Variants in TAFA1 observed in about 807,000 individuals in gnomAD.
TAFA1 encodes the protein TAFA chemokine like family member 1, also known as chemokine-like protein TAFA-1.
A neutral mutation model predicts 18.5 loss-of-function variants in TAFA1; 4 were observed. That is an observed-to-expected ratio of 0.22 (90% CI 0.11 to 0.49). TAFA1 has a LOEUF of 0.49. TAFA1 is among the 20% of genes least tolerant of loss of function. The pLI is 0.98. For missense variants in TAFA1, 147 were observed against 169.0 expected (o/e 0.87, Z 0.72); for synonymous variants, 56 against 55.2 (o/e 1.01, Z -0.06).
At chr3:68,474,360 G>C (rs1036748651) in intron 3 of TAFA1, among the ~76,000 whole-genome samples, 1 of 152,144 alleles carries the variant, frequency 6.6e-6, no homozygotes, top group African/African-American at 2.4e-5. Flanking sequence ...TCATCCATTC[G>C]AGAATCTGAA....
At chr3:68,532,428 T>C (rs2073202086) in intron 3 of TAFA1, among the ~76,000 whole-genome samples, 1 of 152,172 alleles carries the variant, frequency 6.6e-6, no homozygotes. Flanking sequence ...GAGTCTTTTT[T>C]TCGGAGGGGG....
At chr3:68,303,374 G>A (rs1366812167) in intron 2 of TAFA1, among the ~76,000 whole-genome samples, 1 of 152,120 alleles carries the variant, frequency 6.6e-6, no homozygotes, top group African/African-American at 2.4e-5. Flanking sequence ...TCAAAAATTA[G>A]CCATTTACTC....
chr3:68,317,231 T>C (rs956268262), intron 2 of TAFA1, among the ~76,000 whole-genome samples: 5 of 152,184 alleles, frequency 3.3e-5, no homozygotes, highest in African/African-American at 1.2e-4. Context: ...TTTCCGAAGA[T>C]TTTACAGAGA....
intron 2 of TAFA1, among the ~76,000 whole-genome samples, chr3:68,245,300 G>A (rs1270793416): frequency 6.6e-6 from 1 of 152,188 alleles, no homozygotes; most frequent in Non-Finnish European, 1.5e-5. Context: ...GTATTTAACA[G>A]AACTTCTTCC....
intron 2 of TAFA1, among the ~76,000 whole-genome samples, chr3:68,150,737 C>T (rs2065797324): frequency 6.6e-6 from 1 of 152,030 alleles, no homozygotes; most frequent in African/African-American, 2.4e-5. Context: ...TTGATTGCTT[C>T]CTCTCCTCAC....
At chr3:68,221,720 TC>T (rs771496557) in intron 2 of TAFA1, among the ~76,000 whole-genome samples, 8 of 152,188 alleles carry the variant, frequency 5.3e-5, no homozygotes, top group Non-Finnish European at 1.0e-4. Context: ...TAGCAGGGTA[TC>T]TAGGTACAGA....
At chr3:68,177,543 A>G (rs1230381511) in intron 2 of TAFA1, among the ~76,000 whole-genome samples, 1 of 152,110 alleles carries the variant, frequency 6.6e-6, no homozygotes, top group Non-Finnish European at 1.5e-5. Context: ...TCAATTTGTG[A>G]TTAGATATAT....
chr3:68,116,000 T>C (rs1433554698), intron 2 of TAFA1, among the ~76,000 whole-genome samples: 1 of 152,166 alleles, frequency 6.6e-6, no homozygotes, highest in Non-Finnish European at 1.5e-5. Flanking sequence ...CTCACGCCTG[T>C]AATCCCAGCA....
rs77762846 is a variant in TAFA1, at chr3:68,500,064, C to G, written c.260-38692C>G. Among the ~76,000 whole-genome samples the G allele has an allele frequency of 1.0e-2, 1,515 of 152,140 alleles. 10 individuals are homozygous for G. The highest frequency in any genetic ancestry group is 0.016 in the Non-Finnish European group (1,059 of 67,998). On this transcript the variant is annotated intron_variant, in intron 3 of 4. Transcript: ENST00000478136. ...TCCCATCTTTTGGTTGTGCCTTCTA[C>G]TATGTTGGCTTCCTTCCTAGGCTCT...
chr3:68,032,655 A>G (rs1704960599), intron 2 of TAFA1, among the ~76,000 whole-genome samples: 1 of 148,008 alleles, frequency 6.8e-6, no homozygotes, highest in African/African-American at 2.5e-5. Context: ...TTCCCTTCCC[A>G]CTCCTCCTTC....
intron 3 of TAFA1, among the ~76,000 whole-genome samples, chr3:68,444,308 C>T (rs984348200): frequency 7.9e-5 from 12 of 152,138 alleles, no homozygotes; most frequent in Non-Finnish European, 1.8e-4. Flanking sequence ...CTTTCTTTCT[C>T]CCATAAGTTA....
At chr3:68,428,544 T>C (rs963784094) in intron 3 of TAFA1, among the ~76,000 whole-genome samples, 1 of 151,842 alleles carries the variant, frequency 6.6e-6, no homozygotes, top group Non-Finnish European at 1.5e-5. Context: ...GGAAATCTTA[T>C]GCACCAACTC....
chr3:68,409,969 C>T (rs1287580733), intron 2 of TAFA1, among the ~76,000 whole-genome samples: 6 of 152,098 alleles, frequency 3.9e-5, no homozygotes, highest in Non-Finnish European at 8.8e-5. Context: ...AAACATTATC[C>T]TTCGCAATTT....
At chr3:68,474,049 A>AC (rs3037409) in intron 3 of TAFA1, among the ~76,000 whole-genome samples, 1,773 of 136,376 alleles carry the variant, frequency 0.013, 13 homozygotes, top group Non-Finnish European at 0.021. Context: ...AAAATGTATC[A>AC]CCCCCCCCCC....
chr3:68,182,544 CTGT>C (rs2066217742), intron 2 of TAFA1, among the ~76,000 whole-genome samples: 1 of 152,152 alleles, frequency 6.6e-6, no homozygotes, highest in Admixed American at 6.5e-5. Context: ...TCAATTGGTA[CTGT>C]TGTTATTACT....
chr3:68,009,441 G>A (rs1158677752), intron 2 of TAFA1, among the ~76,000 whole-genome samples: 1 of 152,100 alleles, frequency 6.6e-6, no homozygotes, highest in Non-Finnish European at 1.5e-5. Context: ...CTTAGAATTT[G>A]TGTATTATCA....
rs189261733 is a variant in TAFA1, at chr3:68,233,634, T to G, written c.119-183646T>G. 3.3e-5 allele frequency among the ~76,000 whole-genome samples: 5 copies of G among 152,142 alleles called. No individual in the cohort carries two copies. In the East Asian group the frequency reaches 9.6e-4, roughly 29 times the overall value. On this transcript the variant is annotated intron_variant, in intron 2 of 4. Coordinates refer to ENST00000478136, the MANE Select transcript of TAFA1 (RefSeq NM_213609.4). ...CATGGTTTTCTACAAATTTTAGGAT[T>G]TTTTTTTCTATTTTTGTGAAGAATG...
At chr3:68,001,080 CA>C (rs560289801), upstream of TAFA1, among the ~76,000 whole-genome samples, 81 of 151,082 alleles carry the variant, frequency 5.4e-4, no homozygotes, top group African/African-American at 1.7e-3. Flanking sequence ...CATATCCTTG[CA>C]AAAAAAAGAG....
intron 3 of TAFA1, among the ~76,000 whole-genome samples, chr3:68,474,799 T>G (rs569349405): frequency 1.3e-5 from 2 of 152,316 alleles, no homozygotes; most frequent in South Asian, 4.1e-4. Flanking sequence ...ATATATGGTT[T>G]CTAGTACAGG....
Sources: allele counts gnomAD v4.1 joint callset (sites outside exome capture counted in the v4.1 genomes callset), GRCh38; gene constraint gnomAD v4.1.1; transcripts MANE v1.5; gene names NCBI Gene and HGNC (gene_info 2026-07-23, HGNC 2026-07-21).